Variants in TSHZ2 observed in about 807,000 individuals in gnomAD.
TSHZ2 encodes teashirt zinc finger homeobox 2.
TSHZ2 carries 21 observed loss-of-function variants against 74.4 expected under a neutral mutation model. That is an observed-to-expected ratio of 0.28 (90% CI 0.20 to 0.41). The LOEUF is 0.41. Among genes scored for constraint, TSHZ2 ranks in the 10% least tolerant of loss-of-function variants. The probability of loss-of-function intolerance (pLI) is 1.00; values close to 1 mark genes in which losing one functional copy is unlikely to be tolerated. For synonymous variants in TSHZ2, 540 were observed against 515.3 expected, an observed-to-expected ratio of 1.05 and a Z score of -0.65; for missense variants, 1,244 against 1,293.5, an observed-to-expected ratio of 0.96 and a Z score of 0.59.
intron 1 of TSHZ2, among the ~76,000 whole-genome samples, chr20:53,214,306 T>C (rs1989384540): frequency 6.6e-6 from 1 of 152,092 alleles, no homozygotes; most frequent in Non-Finnish European, 1.5e-5. Flanking sequence ...CAAATAAGTA[T>C]AAAATATGTC....
At chr20:53,315,170 A>G (rs968095015) in intron 2 of TSHZ2, among the ~76,000 whole-genome samples, 1 of 152,234 alleles carries the variant, frequency 6.6e-6, no homozygotes. Context: ...CACTCTTAAG[A>G]CATCTTCACA....
Position 53,256,636 on chromosome 20 carries a change from CT to C in TSHZ2, c.*8+66del. The C allele has an allele frequency of 1.3e-6, 2 of 1,508,120 alleles. No individual in the cohort carries two copies. Among genetic ancestry groups the C allele is most frequent in the Non-Finnish European group, 1.8e-6 (2 of 1,126,848 alleles). 93.4% of individuals were successfully genotyped at this position (1,508,120 alleles called of 1,614,324 possible). The stretch of plus-strand genomic sequence containing the variant: ...GGAGCTTTCTTACAGGGAGATGGGT[CT>C]GCTTAGAGGCAGCTAGCATCTCCCA... On this transcript the variant is annotated intron_variant, in intron 2 of 2. Coordinates refer to ENST00000371497, the MANE Select transcript of TSHZ2 (RefSeq NM_173485.6). This position sits in a 1 kb window ranked among gnomAD's most constrained non-coding sequence, Gnocchi z 4.3.
chr20:52,973,473 C>A, intron 1 of TSHZ2, 140 bp downstream of exon 1: 2 of 1,089,992 alleles, frequency 1.8e-6, no homozygotes, highest in Non-Finnish European at 2.6e-6. Context: ...ATAACCCCGT[C>A]CTCTCTCGCC....
intron 1 of TSHZ2, among the ~76,000 whole-genome samples, chr20:53,236,860 T>A (rs1438666568): frequency 6.6e-6 from 1 of 152,044 alleles, no homozygotes; most frequent in African/African-American, 2.4e-5. Context: ...AACCATCAGA[T>A]CTCATGAGAA....
chr20:53,371,174 G>T (rs914471323), intron 2 of TSHZ2, among the ~76,000 whole-genome samples: 5 of 152,184 alleles, frequency 3.3e-5, no homozygotes, highest in South Asian at 2.1e-4. Flanking sequence ...TCCAAATAAG[G>T]TCCCATTCAC....
chr20:53,073,793 C>T (rs1268254701), intron 1 of TSHZ2, among the ~76,000 whole-genome samples: 4 of 151,676 alleles, frequency 2.6e-5, no homozygotes, highest in Non-Finnish European at 5.9e-5. Flanking sequence ...AGTTTTAGGC[C>T]TGGGTTGATT....
chr20:53,239,143 C>T (rs927216507), intron 1 of TSHZ2, among the ~76,000 whole-genome samples: 3 of 152,154 alleles, frequency 2.0e-5, no homozygotes, highest in African/African-American at 7.2e-5. Context: ...TGGGTCTCTA[C>T]CCACTAGATG....
At chr20:53,280,735 C>T (rs1342435493) in intron 2 of TSHZ2, among the ~76,000 whole-genome samples, 1 of 151,826 alleles carries the variant, frequency 6.6e-6, no homozygotes, top group African/African-American at 2.4e-5. Flanking sequence ...AGCTGTCGTC[C>T]AGGCTGGAGT....
At chr20:53,469,706 G>T (rs201388122) in intron 2 of TSHZ2, among the ~76,000 whole-genome samples, 2 of 74,284 alleles carry the variant, frequency 2.7e-5, no homozygotes, top group Admixed American at 1.8e-4. Context: ...GAAAGATAGA[G>T]AAAGAGAGAG....
chr20:53,269,185 G>T (rs957507053), intron 2 of TSHZ2, among the ~76,000 whole-genome samples: 6 of 152,048 alleles, frequency 3.9e-5, no homozygotes, highest in Non-Finnish European at 1.5e-5. Flanking sequence ...CTGAGGAACT[G>T]CTTTCCTCTC....
intron 1 of TSHZ2, among the ~76,000 whole-genome samples, chr20:53,125,297 T>C (rs548069386): frequency 1.3e-5 from 2 of 152,348 alleles, no homozygotes; most frequent in African/African-American, 4.8e-5. Context: ...AAGTCCTCCC[T>C]GGGCATAAGT....
At chr20:53,206,597 A>G (rs1422005112) in intron 1 of TSHZ2, 1 of 152,250 alleles carries the variant, frequency 6.6e-6, no homozygotes, top group Non-Finnish European at 1.5e-5. Context: ...TGAACACTGT[A>G]TACCCTCTGT....
chr20:53,460,335 C>T lies in TSHZ2; in HGVS notation c.*9-26809C>T, dbSNP rs1055834230. Reference sequence around the variant, plus strand: ...GCTGATACCCTTTCTTCCAGTTGATCGCATCGGCTCCTGAGGCTTCTGCAT... The same window carrying T: ...GCTGATACCCTTTCTTCCAGTTGATTGCATCGGCTCCTGAGGCTTCTGCAT... On this transcript the variant is annotated intron_variant, in intron 2 of 2. Transcript: ENST00000371497. Among the ~76,000 whole-genome samples the T allele has an allele frequency of 4.6e-3, 697 of 152,090 alleles. 2 individuals are homozygous for T. The highest frequency in any genetic ancestry group is 0.013 in the African/African-American group (552 of 41,368).
intron 1 of TSHZ2, among the ~76,000 whole-genome samples, chr20:53,069,093 G>A (rs1179046791): frequency 6.6e-6 from 1 of 152,142 alleles, no homozygotes; most frequent in East Asian, 1.9e-4. Context: ...CTGCACAAAC[G>A]AGAAGAGCCC....
chr20:53,204,673 T>A (rs1989119901), intron 1 of TSHZ2, among the ~76,000 whole-genome samples: 1 of 152,088 alleles, frequency 6.6e-6, no homozygotes, highest in Admixed American at 6.6e-5. Flanking sequence ...CTACCATGCA[T>A]CACTGTATGA....
At chr20:53,267,143 G>A (rs1702245533) in intron 2 of TSHZ2, among the ~76,000 whole-genome samples, 1 of 152,156 alleles carries the variant, frequency 6.6e-6, no homozygotes, top group African/African-American at 2.4e-5. Context: ...CACCTATGAG[G>A]CTGCAAGGGC....
At chr20:53,315,984 G>A (rs1978999426) in intron 2 of TSHZ2, among the ~76,000 whole-genome samples, 1 of 152,132 alleles carries the variant, frequency 6.6e-6, no homozygotes, top group African/African-American at 2.4e-5. Context: ...CAAGCAGAGG[G>A]AAGAACACAT....
chr20:53,434,937 CCA>C (rs1983990234), intron 2 of TSHZ2, among the ~76,000 whole-genome samples: 1 of 152,220 alleles, frequency 6.6e-6, no homozygotes, highest in Admixed American at 6.5e-5. Flanking sequence ...TAAATCCACT[CCA>C]AAATTCTTCC....
chr20:53,150,614 GAAAAT>G (rs556314975), intron 1 of TSHZ2, among the ~76,000 whole-genome samples: 164 of 147,118 alleles, frequency 1.1e-3, no homozygotes, highest in African/African-American at 3.3e-3. Context: ...TCAACTACAG[GAAAAT>G]AAAATAAAAT....
Sources: allele counts gnomAD v4.1 joint callset (sites outside exome capture counted in the v4.1 genomes callset), GRCh38; gene constraint gnomAD v4.1.1; non-coding constraint Gnocchi (gnomAD v3.1); transcripts MANE v1.5; gene names NCBI Gene and HGNC (gene_info 2026-07-23, HGNC 2026-07-21).